Variants in NF1 observed in about 807,000 individuals in gnomAD.
NF1 encodes neurofibromin 1.
Under a neutral mutation model 325.7 loss-of-function variants are expected in NF1, and 122 were observed. The observed-to-expected ratio is 0.37, with a 90% CI of 0.32 to 0.44. The LOEUF (loss-of-function observed/expected upper bound fraction) is 0.44. Among genes scored for constraint, NF1 ranks in the 20% least tolerant of loss-of-function variants. The pLI is 1.00. For missense variants in NF1, 2,140 were observed against 3,415.4 expected, an observed-to-expected ratio of 0.63 and a Z score of 9.31; for synonymous variants, 1,091 against 1,186.0, an observed-to-expected ratio of 0.92 and a Z score of 1.65.
intron 38 of NF1, among the ~76,000 whole-genome samples, chr17:31,329,729 T>A (rs1299262225): frequency 6.6e-6 from 1 of 152,214 alleles, no homozygotes; most frequent in African/African-American, 2.4e-5. Context: ...AGGACTTAAT[T>A]ATAAGTTAAT....
chr17:31,256,240 C>T (rs182785453), intron 31 of NF1, among the ~76,000 whole-genome samples: 8 of 152,226 alleles, frequency 5.3e-5, no homozygotes, highest in Admixed American at 4.6e-4. Context: ...TGGGTTTAAG[C>T]GATTCTCCTG....
chr17:31,297,482 C>G (rs1345811027), intron 36 of NF1: 1 of 152,168 alleles, frequency 6.6e-6, no homozygotes, highest in Non-Finnish European at 1.5e-5. Flanking sequence ...TTGGCCCTTA[C>G]TCCTTTCTAT....
At chr17:31,360,808 T>G in intron 57 of NF1, 105 bp downstream of exon 57, 4 of 957,530 alleles carry the variant, frequency 4.2e-6, no homozygotes, top group Non-Finnish European at 6.8e-6. Context: ...CTTTTTCTTA[T>G]GAGATTCACC....
chr17:31,167,646 G>C (rs1193784842), intron 4 of NF1, among the ~76,000 whole-genome samples: 1 of 152,108 alleles, frequency 6.6e-6, no homozygotes, highest in Non-Finnish European at 1.5e-5. Context: ...TGCCTCATTA[G>C]GTAGCATGAT....
At chr17:31,221,774 A>G (rs1026620465) in intron 14 of NF1, 76 bp from the exon 15 acceptor site, 2 of 939,136 alleles carry the variant, frequency 2.1e-6, no homozygotes, top group African/African-American at 3.2e-5. Flanking sequence ...TTATAAAATA[A>G]GTACTCCAGT....
chr17:31,367,418 C>T, intron 57 of NF1: 1 of 391,246 alleles, frequency 2.6e-6, no homozygotes, highest in Non-Finnish European at 4.8e-6. Context: ...AAAGCCACCA[C>T]TTTATAAGGT....
intron 1 of NF1, among the ~76,000 whole-genome samples, chr17:31,147,832 C>A (rs1375269716): frequency 6.6e-6 from 1 of 152,164 alleles, no homozygotes. Context: ...TTAGTTTAGC[C>A]TTTTTACCCT....
At chr17:31,098,759 C>G (rs1195044139) in intron 1 of NF1, among the ~76,000 whole-genome samples, 2 of 151,724 alleles carry the variant, frequency 1.3e-5, no homozygotes, top group Non-Finnish European at 2.9e-5. Context: ...CAGTGAAACC[C>G]CATCTCTACT....
In NF1 at chr17:31,265,209, C is replaced by T. The variant is rs371586710; in HGVS notation, c.4725-20C>T. On this transcript the variant is annotated intron_variant, in intron 35 of 57. Transcript: ENST00000358273. The stretch of plus-strand genomic sequence containing the variant: ...TAGACAACATAAAGCCTCATAATTA[C>T]TCTGTTATTTTTCTTTTAGGCATCA... 1.3e-6 allele frequency: 2 copies of T among 1,530,486 alleles called. No individual in the cohort carries two copies. The highest frequency in any genetic ancestry group is 1.8e-6 in the Non-Finnish European group (2 of 1,104,956). The allele number at this position is 1,530,486 out of a possible 1,614,324, so 94.8% of individuals were successfully genotyped here.
chr17:31,129,249 C>T (rs573311331), intron 1 of NF1, among the ~76,000 whole-genome samples: 5 of 152,112 alleles, frequency 3.3e-5, no homozygotes, highest in Non-Finnish European at 7.4e-5. Flanking sequence ...TGCCTTTCTC[C>T]CCATATCTTT....
intron 36 of NF1, chr17:31,320,551 A>G: frequency 1.2e-6 from 1 of 829,634 alleles, no homozygotes; most frequent in Non-Finnish European, 1.9e-6. Flanking sequence ...GAAATGTGAT[A>G]CGTTGAGTTA....
intron 5 of NF1, among the ~76,000 whole-genome samples, chr17:31,172,639 A>G (rs1342676744): frequency 2.6e-5 from 4 of 151,882 alleles, no homozygotes; most frequent in Non-Finnish European, 5.9e-5. Context: ...GCCTCAGTAA[A>G]TTTTCAAAGT....
At chr17:31,354,688 A>G (rs1300191038) in intron 51 of NF1, among the ~76,000 whole-genome samples, 2 of 152,176 alleles carry the variant, frequency 1.3e-5, no homozygotes, top group African/African-American at 4.8e-5. Flanking sequence ...TGCAGGAGCA[A>G]TGGGAGAATG....
intron 36 of NF1, among the ~76,000 whole-genome samples, chr17:31,292,503 G>A (rs137875142): frequency 3.9e-5 from 6 of 152,142 alleles, no homozygotes; most frequent in African/African-American, 1.4e-4. Flanking sequence ...CCCAAAATCG[G>A]CCCTGTGGAA....
intron 36 of NF1, chr17:31,296,620 T>G (rs1416899303): frequency 2.5e-6 from 1 of 394,520 alleles, no homozygotes. Flanking sequence ...ATATTCTTTC[T>G]TATTTATCTT....
At chr17:31,243,378 A>T (rs1798814944) in intron 29 of NF1, among the ~76,000 whole-genome samples, 1 of 151,924 alleles carries the variant, frequency 6.6e-6, no homozygotes, top group South Asian at 2.1e-4. Context: ...AAACCCAGCC[A>T]GGCTTGCGTC....
intron 8 of NF1, among the ~76,000 whole-genome samples, chr17:31,189,059 G>T (rs557455814): frequency 6.6e-6 from 1 of 152,234 alleles, no homozygotes; most frequent in East Asian, 1.9e-4. Context: ...TGGAAAAATA[G>T]AAATAAATAA....
intron 22 of NF1, 69 bp from the exon 23 acceptor site, chr17:31,230,191 A>C: frequency 6.4e-7 from 1 of 1,550,466 alleles, no homozygotes; most frequent in Non-Finnish European, 8.9e-7. Context: ...CTTGATGACT[A>C]AAGTATTTAG....
chr17:31,152,225 A>AT (rs572827895), intron 1 of NF1, among the ~76,000 whole-genome samples: 9 of 148,100 alleles, frequency 6.1e-5, no homozygotes, highest in East Asian at 2.0e-4. Context: ...AGTTCAAAAG[A>AT]TTTTTTTTTT....
Sources: gnomAD v4.1 joint callset for allele counts (sites outside exome capture counted in the v4.1 genomes callset) on GRCh38, gnomAD v4.1.1 for gene constraint, MANE v1.5 for transcripts, NCBI Gene and HGNC (gene_info 2026-07-23, HGNC 2026-07-21) for gene names.